ZFYVE28: variants seen among roughly 807,000 people sequenced by gnomAD.
ZFYVE28 encodes lateral signaling target protein 2 homolog.
A neutral mutation model predicts 82.1 loss-of-function variants in ZFYVE28; 40 were observed. The ratio of observed to expected loss-of-function variants is 0.49; its 90% confidence interval spans 0.38 to 0.63. The LOEUF (loss-of-function observed/expected upper bound fraction) is 0.63, where lower values mean the gene tolerates loss of function less well. ZFYVE28 is among the 30% of genes least tolerant of loss of function. The pLI, the probability that ZFYVE28 is intolerant of heterozygous loss-of-function variation, is 0.00. For synonymous variants in ZFYVE28, 612 were observed against 546.1 expected (o/e 1.12, Z -1.68); for missense variants, 1,321 against 1,242.1 (o/e 1.06, Z -0.96).
At chr4:2,401,997 C>A (rs1731237449) in intron 1 of ZFYVE28, among the ~76,000 whole-genome samples, 1 of 152,230 alleles carries the variant, frequency 6.6e-6, no homozygotes, top group Admixed American at 6.5e-5. Context: ...TCACGACGAC[C>A]CTGAGGCTTT....
chr4:2,290,284 C>T (rs1390316994), intron 8 of ZFYVE28, among the ~76,000 whole-genome samples: 1 of 152,192 alleles, frequency 6.6e-6, no homozygotes, highest in Admixed American at 6.5e-5. Flanking sequence ...AGCCTGCCTG[C>T]CTTCTCCGAG....
chr4:2,385,073 A>G (rs1342781275), intron 1 of ZFYVE28, among the ~76,000 whole-genome samples: 1 of 152,168 alleles, frequency 6.6e-6, no homozygotes, highest in African/African-American at 2.4e-5. Flanking sequence ...AGCTGGCCTG[A>G]CCTGCCCAGG....
intron 8 of ZFYVE28, among the ~76,000 whole-genome samples, chr4:2,289,739 G>A (rs897493617): frequency 3.3e-5 from 5 of 152,212 alleles, no homozygotes; most frequent in Admixed American, 1.3e-4. Flanking sequence ...CTGCCCAGAC[G>A]GCAGAGGTGA....
chr4:2,328,798 T>G, intron 6 of ZFYVE28: 1 of 270,472 alleles, frequency 3.7e-6, no homozygotes, highest in Non-Finnish European at 6.8e-6. Context: ...AGGGTCCAAC[T>G]TTGTTCTTTT....
In ZFYVE28 at chr4:2,408,913, T is replaced by C. The variant is rs772010327; in HGVS notation, c.39+9372A>G. On this transcript the variant is annotated intron_variant, in intron 1 of 12. Transcript: ENST00000290974. The surrounding 1 kb of genome is among the most constrained non-coding windows in gnomAD (Gnocchi z 4.3). ...GGCGGTTTCTAAGTGGACCTTCCCA[T>C]GCACTCAGCTTTAGGTTTTAGTTTC... Among the ~76,000 whole-genome samples, 3 of 152,224 alleles carry C rather than the reference T, an allele frequency of 2.0e-5. No individual in the cohort carries two copies. The highest frequency in any genetic ancestry group is 4.4e-5 in the Non-Finnish European group (3 of 68,034).
rs141927317 is a variant in ZFYVE28 at position 2,271,407 on chromosome 4, C to T, written c.2436G>A (p.Pro812=). The T allele has an allele frequency of 2.5e-5, 40 of 1,612,558 alleles. 1 individual carries two copies. Among genetic ancestry groups the T allele is most frequent in the African/African-American group, 2.1e-4 (16 of 74,932 alleles). The part of the protein sequence containing the change: ...KTRDGDFEDP[P]EWVPDEACGF... The stretch of plus-strand genomic sequence containing the variant: ...CACAGGCCTCGTCTGGCACCCACTC[C>T]GGGGGGTCTGTCACAACAACAGCAG... Residue 812 remains proline (P), a synonymous_variant, in exon 12 of 13, where the codon CCG becomes CCA. Transcript: ENST00000290974.
At chr4:2,396,046 G>A (rs1240633343) in intron 1 of ZFYVE28, among the ~76,000 whole-genome samples, 1 of 151,346 alleles carries the variant, frequency 6.6e-6, no homozygotes, top group Non-Finnish European at 1.5e-5. Flanking sequence ...GAGCTGATGG[G>A]ACAAGCTATC....
At chr4:2,285,348 C>T (rs772521870) in intron 8 of ZFYVE28, 6 of 152,266 alleles carry the variant, frequency 3.9e-5, no homozygotes, top group Non-Finnish European at 5.9e-5. Context: ...CCCACCTTGC[C>T]GCGGTGCTTC....
intron 1 of ZFYVE28, among the ~76,000 whole-genome samples, chr4:2,376,216 CTT>C (rs55871974): frequency 3.3e-4 from 48 of 144,976 alleles, no homozygotes; most frequent in Admixed American, 4.8e-4. Context: ...GTTTCTTTTA[CTT>C]TTTTTTTTTA....
At chr4:2,400,744 G>A (rs1195010145) in intron 1 of ZFYVE28, among the ~76,000 whole-genome samples, 10 of 152,086 alleles carry the variant, frequency 6.6e-5, no homozygotes, top group East Asian at 3.9e-4. Context: ...GGCCGGTCTC[G>A]CCCTTTCACG....
At chr4:2,412,504 A>C (rs751326413) in intron 1 of ZFYVE28, among the ~76,000 whole-genome samples, 10 of 152,180 alleles carry the variant, frequency 6.6e-5, no homozygotes, top group Non-Finnish European at 1.0e-4. Flanking sequence ...GGGAGGGACG[A>C]GAATTCCCAG....
intron 7 of ZFYVE28, among the ~76,000 whole-genome samples, chr4:2,314,605 T>G (rs1010868870): frequency 4.6e-5 from 7 of 152,234 alleles, no homozygotes; most frequent in Non-Finnish European, 7.3e-5. Context: ...TATAAATAAT[T>G]TATTCAATCA....
At chr4:2,325,764 G>A (rs1229247460) in intron 6 of ZFYVE28, among the ~76,000 whole-genome samples, 3 of 151,828 alleles carry the variant, frequency 2.0e-5, no homozygotes, top group Non-Finnish European at 4.4e-5. Flanking sequence ...ACCACATCTG[G>A]CTTTTTGCTG....
At chr4:2,322,343 A>G (rs1719211471) in intron 6 of ZFYVE28, among the ~76,000 whole-genome samples, 1 of 152,232 alleles carries the variant, frequency 6.6e-6, no homozygotes, top group South Asian at 2.1e-4. Flanking sequence ...CGGTGGGTCC[A>G]ATGCAGCCGC....
At chr4:2,295,348 T>G (rs1231399166) in intron 8 of ZFYVE28, among the ~76,000 whole-genome samples, 1 of 151,952 alleles carries the variant, frequency 6.6e-6, no homozygotes. Context: ...TTTTTTTTTT[T>G]TTAGTAAAGA....
chr4:2,364,090 A>T (rs1309535008), intron 1 of ZFYVE28, among the ~76,000 whole-genome samples: 1 of 152,194 alleles, frequency 6.6e-6, no homozygotes, highest in Admixed American at 6.5e-5. Flanking sequence ...CTGTGAAGGG[A>T]AGGCCTCCCC....
chr4:2,272,520 G>A (rs1050135793), intron 10 of ZFYVE28, among the ~76,000 whole-genome samples: 2 of 152,204 alleles, frequency 1.3e-5, no homozygotes, highest in African/African-American at 2.4e-5. Flanking sequence ...ATGTGCACAT[G>A]TGTGCATGTG....
intron 7 of ZFYVE28, among the ~76,000 whole-genome samples, chr4:2,307,485 C>G (rs1409362647): frequency 6.6e-6 from 1 of 151,968 alleles, no homozygotes; most frequent in Non-Finnish European, 1.5e-5. Context: ...TGATATTTTC[C>G]TCTAAAAGCT....
At chr4:2,318,406 A>G (rs1718541505) in intron 7 of ZFYVE28, among the ~76,000 whole-genome samples, 1 of 152,122 alleles carries the variant, frequency 6.6e-6, no homozygotes, top group Non-Finnish European at 1.5e-5. Context: ...AAAAATATAA[A>G]AATTAGCCGG....
Sources: allele counts gnomAD v4.1 joint callset (sites outside exome capture counted in the v4.1 genomes callset), GRCh38; gene constraint gnomAD v4.1.1; non-coding constraint Gnocchi (gnomAD v3.1); transcripts MANE v1.5; gene names NCBI Gene and HGNC (gene_info 2026-07-23, HGNC 2026-07-21).